The following PLCG2 variants were observed in gnomAD, a reference collection of about 807,000 sequenced individuals.
The protein encoded by PLCG2 is 1-phosphatidylinositol 4,5-bisphosphate phosphodiesterase gamma-2.
In PLCG2, 69 loss-of-function variants were observed where a neutral mutation model predicts 175.6. The ratio of observed to expected loss-of-function variants is 0.39; its 90% confidence interval spans 0.32 to 0.48. The LOEUF (loss-of-function observed/expected upper bound fraction) is 0.48. PLCG2 is among the 20% of genes least tolerant of loss of function. The probability of loss-of-function intolerance (pLI) is 0.91; values close to 1 mark genes in which losing one functional copy is unlikely to be tolerated. For missense variants in PLCG2, 1,798 were observed against 1,650.9 expected, an observed-to-expected ratio of 1.09 and a Z score of -1.54; for synonymous variants, 827 against 624.0, an observed-to-expected ratio of 1.33 and a Z score of -4.85.
chr16:81,818,778 G>A (rs1259875505), intron 2 of PLCG2, among the ~76,000 whole-genome samples: 1 of 151,978 alleles, frequency 6.6e-6, no homozygotes, highest in South Asian at 2.1e-4. Flanking sequence ...TGTCACTCTG[G>A]CATAAGGGAG....
chr16:81,891,354 C>A (rs1803593013), intron 10 of PLCG2, 118 bp from the exon 11 acceptor site: 4 of 705,408 alleles, frequency 5.7e-6, no homozygotes, highest in Admixed American at 2.0e-5. Context: ...CTGGAGACCG[C>A]CTGTTGATTT....
At chr16:81,853,937 CAGTT>C (rs1906551599) in intron 2 of PLCG2, among the ~76,000 whole-genome samples, 2 of 152,196 alleles carry the variant, frequency 1.3e-5, no homozygotes, top group South Asian at 4.2e-4. Flanking sequence ...TAATTTGAAT[CAGTT>C]AGTGCCTTCA....
At chr16:81,939,141 C>T (rs187359876) in intron 29 of PLCG2, among the ~76,000 whole-genome samples, 161 of 152,218 alleles carry the variant, frequency 1.1e-3, no homozygotes, top group Non-Finnish European at 1.9e-3. Flanking sequence ...AACTCAAGTC[C>T]GGAATCGTAG....
rs573207716 is a variant in PLCG2 at position 81,859,254 on chromosome 16, C to T, written c.479+91C>T. 1.8e-5 allele frequency: 15 copies of T among 835,262 alleles called. No individual in the cohort carries two copies. The South Asian group carries it at 1.8e-4, about 10-fold the overall frequency. 51.7% of individuals were successfully genotyped at this position (835,262 alleles called of 1,614,324 possible). On this transcript the variant is annotated intron_variant, in intron 5 of 32. Transcript: ENST00000564138. ...CCAAGGGGGTGGGAGCATGACTTGT[C>T]GGGAGCAAGGTCCTCACTGCGTCCA...
At chr16:81,927,958 C>T (rs1910344421) in intron 23 of PLCG2, among the ~76,000 whole-genome samples, 1 of 152,106 alleles carries the variant, frequency 6.6e-6, no homozygotes, top group Non-Finnish European at 1.5e-5. Flanking sequence ...ACCTGTACAT[C>T]AGCATTTACC....
At chr16:81,925,096 G>A (rs998998394) in intron 22 of PLCG2, among the ~76,000 whole-genome samples, 1 of 152,170 alleles carries the variant, frequency 6.6e-6, no homozygotes, top group Admixed American at 6.5e-5. Context: ...TGTGTGAGAT[G>A]GCCTCATGCC....
intron 8 of PLCG2, among the ~76,000 whole-genome samples, chr16:81,881,864 C>G (rs1487073365): frequency 6.7e-6 from 1 of 150,302 alleles, no homozygotes; most frequent in Non-Finnish European, 1.5e-5. Context: ...GTTGGCCAGT[C>G]TGGTGTTGAA....
chr16:81,809,650 C>A (rs72834753), intron 2 of PLCG2, among the ~76,000 whole-genome samples: 2 of 151,996 alleles, frequency 1.3e-5, no homozygotes, highest in Non-Finnish European at 2.9e-5. Context: ...ACTTGGGCCA[C>A]CCTGGGACTT....
intron 25 of PLCG2, among the ~76,000 whole-genome samples, chr16:81,932,807 A>G (rs1910558023): frequency 6.6e-6 from 1 of 152,184 alleles, no homozygotes; most frequent in African/African-American, 2.4e-5. Context: ...TAGGGCTCCT[A>G]ATTCTTCCCA....
intron 22 of PLCG2, 122 bp downstream of exon 22, chr16:81,923,716 T>C: frequency 1.7e-6 from 1 of 601,092 alleles, no homozygotes; most frequent in Non-Finnish European, 3.0e-6. Flanking sequence ...CTTTGACCTC[T>C]TGTGTTAAGT....
intron 2 of PLCG2, among the ~76,000 whole-genome samples, chr16:81,788,532 G>C (rs997410205): frequency 6.6e-6 from 1 of 152,122 alleles, no homozygotes; most frequent in Non-Finnish European, 1.5e-5. Context: ...AGGGAAGTTT[G>C]GCAGCACCCC....
intron 2 of PLCG2, among the ~76,000 whole-genome samples, chr16:81,815,885 AC>A (rs1440952174): frequency 2.0e-5 from 3 of 151,466 alleles, no homozygotes; most frequent in Non-Finnish European, 4.4e-5. Context: ...ACATTGTGAA[AC>A]CCCGTTTTTT....
intron 13 of PLCG2, among the ~76,000 whole-genome samples, chr16:81,897,245 G>T (rs1320092053): frequency 6.6e-6 from 1 of 152,246 alleles, no homozygotes. Context: ...AGGCTCATTG[G>T]AATGATAGTT....
intron 17 of PLCG2, 36 bp from the exon 18 acceptor site, chr16:81,910,484 C>G: frequency 6.3e-7 from 1 of 1,598,818 alleles, no homozygotes; most frequent in South Asian, 1.1e-5. Flanking sequence ...GCCTGGCCTG[C>G]GTTCTCCCAG....
chr16:81,919,443 C>G (rs757518349), intron 19 of PLCG2, 41 bp from the exon 20 acceptor site: 1 of 1,552,480 alleles, frequency 6.4e-7, no homozygotes, highest in East Asian at 2.3e-5. Context: ...GTTTGGCCAC[C>G]AGGATCTTGG....
intron 2 of PLCG2, chr16:81,767,507 C>G (rs1253900222): frequency 6.6e-6 from 1 of 152,200 alleles, no homozygotes; most frequent in Non-Finnish European, 1.5e-5. Flanking sequence ...TCCAGGAAGC[C>G]TTCCCAACCT....
At chr16:81,868,865 C>T (rs952410843) in intron 5 of PLCG2, among the ~76,000 whole-genome samples, 5 of 152,230 alleles carry the variant, frequency 3.3e-5, no homozygotes, top group Non-Finnish European at 2.9e-5. Flanking sequence ...TGGGGATCTC[C>T]AGTGTAGGTG....
intron 12 of PLCG2, 186 bp from the exon 13 acceptor site, chr16:81,895,621 T>C: frequency 1.7e-6 from 1 of 584,184 alleles, no homozygotes; most frequent in South Asian, 2.2e-5. Context: ...ACAGCTGCAC[T>C]TGCATTATGT....
chr16:81,950,404 C>G (rs190018483), intron 31 of PLCG2, among the ~76,000 whole-genome samples: 287 of 152,180 alleles, frequency 1.9e-3, no homozygotes, highest in African/African-American at 6.7e-3. Flanking sequence ...TAGCATAGTA[C>G]CTAAGTATAT....
Sources: gnomAD v4.1 joint callset for allele counts (sites outside exome capture counted in the v4.1 genomes callset) on GRCh38, gnomAD v4.1.1 for gene constraint, MANE v1.5 for transcripts, NCBI Gene and HGNC (gene_info 2026-07-23, HGNC 2026-07-21) for gene names.